The following IL1RAPL1 variants were observed in gnomAD, a reference collection of about 807,000 sequenced individuals.
IL1RAPL1 encodes interleukin 1 receptor accessory protein like 1.
A neutral mutation model predicts 48.4 loss-of-function variants in IL1RAPL1; 3 were observed. That is an observed-to-expected ratio of 0.06 (90% CI 0.03 to 0.16). IL1RAPL1 has a LOEUF of 0.16. IL1RAPL1 is among the 10% of genes least tolerant of loss of function. The probability of loss-of-function intolerance (pLI) is 1.00; values close to 1 mark genes in which losing one functional copy is unlikely to be tolerated. For missense variants in IL1RAPL1, 349 were observed against 530.6 expected, an observed-to-expected ratio of 0.66 and a Z score of 3.36; for synonymous variants, 185 against 187.7, an observed-to-expected ratio of 0.99 and a Z score of 0.12.
At chrX:29,476,949 C>T (rs911270609) in intron 5 of IL1RAPL1, among the ~76,000 whole-genome samples, 1 of 88,411 alleles carries the variant, frequency 1.1e-5, no homozygotes, top group African/African-American at 4.8e-5. Flanking sequence ...GGCGCAATCT[C>T]GGCTCACTGC....
intron 2 of IL1RAPL1, among the ~76,000 whole-genome samples, chrX:29,137,475 C>T (rs1424447178): frequency 8.9e-6 from 1 of 111,822 alleles, no homozygotes; most frequent in Non-Finnish European, 1.9e-5. Context: ...AAAAGCACTT[C>T]ATAGAGACTT....
chrX:28,787,065 A>C, intron 1 of IL1RAPL1, among the ~76,000 whole-genome samples: 1 of 112,427 alleles, frequency 8.9e-6, no homozygotes, highest in Admixed American at 9.5e-5. Context: ...CCTAATACAT[A>C]AAGTTTCAAG....
Position 29,135,572 on chromosome X carries a change from C to T in IL1RAPL1, c.83-147366C>T, listed in dbSNP as rs191482823. ...AAATAGCTAGATTAGAACCCTGGACCCCAGACTTTTACATACAATTTCCTT... is the reference window on the plus strand; with the variant it reads ...AAATAGCTAGATTAGAACCCTGGACTCCAGACTTTTACATACAATTTCCTT... On this transcript the variant is annotated intron_variant, in intron 2 of 10. Transcript: ENST00000378993. Among the ~76,000 whole-genome samples the T allele has an allele frequency of 3.9e-3, 430 of 111,336 alleles. 7 individuals are homozygous for T. Among genetic ancestry groups the T allele is most frequent in the African/African-American group, 0.014 (424 of 30,646 alleles).
At chrX:28,943,544 AT>A (rs1276637202) in intron 2 of IL1RAPL1, among the ~76,000 whole-genome samples, 18 of 104,573 alleles carry the variant, frequency 1.7e-4, no homozygotes, top group African/African-American at 2.1e-4. Flanking sequence ...GATACGTAAC[AT>A]TTTTTTTTTT....
intron 2 of IL1RAPL1, among the ~76,000 whole-genome samples, chrX:28,950,920 C>T (rs1924442552): frequency 9.3e-6 from 1 of 107,438 alleles, no homozygotes. Context: ...GGCACATATA[C>T]ACCATGGAAT....
At chrX:29,906,118 C>T (rs766878392) in intron 6 of IL1RAPL1, among the ~76,000 whole-genome samples, 19 of 108,746 alleles carry the variant, frequency 1.7e-4, no homozygotes, top group Non-Finnish European at 3.2e-4. Context: ...AGGTGGATCA[C>T]GAGGTCAGGA....
intron 5 of IL1RAPL1, among the ~76,000 whole-genome samples, chrX:29,506,801 G>A (rs764341650): frequency 2.7e-5 from 3 of 109,880 alleles, no homozygotes; most frequent in Non-Finnish European, 3.8e-5. Context: ...GGCTGTCCTC[G>A]GGGATATTTC....
intron 2 of IL1RAPL1, among the ~76,000 whole-genome samples, chrX:29,072,428 A>G (rs191765108): frequency 9.0e-6 from 1 of 111,689 alleles, no homozygotes; most frequent in African/African-American, 3.2e-5. Flanking sequence ...AGGTCAACTA[A>G]TTTTGATTTT....
At chrX:29,416,821 A>T (rs950812661) in intron 5 of IL1RAPL1, among the ~76,000 whole-genome samples, 2 of 111,762 alleles carry the variant, frequency 1.8e-5, no homozygotes, top group African/African-American at 6.5e-5. Flanking sequence ...TATTCTTTGG[A>T]GGTTTTAAAA....
chrX:29,865,632 TTTTC>T (rs1441376094), intron 6 of IL1RAPL1, among the ~76,000 whole-genome samples: 25 of 101,016 alleles, frequency 2.5e-4, no homozygotes, highest in Non-Finnish European at 4.6e-4. Flanking sequence ...TTTTCTTTTC[TTTTC>T]TTTTTTTTTT....
rs747698807 is a variant in IL1RAPL1, at chrX:29,353,085, A to G, written c.363-43173A>G. 2.7e-5 allele frequency among the ~76,000 whole-genome samples: 3 copies of G among 112,234 alleles called. No homozygotes were observed. The South Asian group carries it at 1.1e-3, about 41-fold the overall frequency. ...AATAGTTAACTCCTGTGAGTGTAAT[A>G]GGAAATTTACAAAAAATAATCTTTA... On this transcript the variant is annotated intron_variant, in intron 3 of 10. Coordinates refer to ENST00000378993, the MANE Select transcript of IL1RAPL1 (RefSeq NM_014271.4).
intron 5 of IL1RAPL1, among the ~76,000 whole-genome samples, chrX:29,410,051 A>G (rs1325000447): frequency 1.8e-5 from 2 of 110,105 alleles, no homozygotes; most frequent in Non-Finnish European, 3.8e-5. Context: ...CGAACTCCCA[A>G]CCTCAGGTGA....
chrX:29,811,824 A>T (rs1261781065), intron 6 of IL1RAPL1, among the ~76,000 whole-genome samples: 4 of 112,219 alleles, frequency 3.6e-5, no homozygotes, highest in African/African-American at 1.3e-4. Flanking sequence ...ACACATAGAT[A>T]ACCAAAATCT....
intron 6 of IL1RAPL1, among the ~76,000 whole-genome samples, chrX:29,743,254 C>A (rs1928252413): frequency 1.9e-5 from 2 of 105,506 alleles, no homozygotes; most frequent in Non-Finnish European, 3.9e-5. Context: ...ATTAATATAT[C>A]ATAAATTTCT....
chrX:28,800,251 A>C (rs1373079810), intron 2 of IL1RAPL1, among the ~76,000 whole-genome samples: 1 of 111,886 alleles, frequency 8.9e-6, no homozygotes, highest in African/African-American at 3.3e-5. Context: ...TTTAGGATCC[A>C]CTGGGAAAAT....
chrX:29,668,380 T>G lies in IL1RAPL1; in HGVS notation c.704-50T>G, dbSNP rs1425732506. Reference sequence around the variant, plus strand: ...TAGACTGTATTCTATCTTTTAGTTTTATGCAGCATAACTATAAGTCTCTGT... The same window carrying G: ...TAGACTGTATTCTATCTTTTAGTTTGATGCAGCATAACTATAAGTCTCTGT... On this transcript the variant is annotated intron_variant, in intron 5 of 10. Transcript: ENST00000378993. 4 of 1,051,988 alleles carry G rather than the reference T, an allele frequency of 3.8e-6. 1 individual carries two copies. The East Asian group carries it at 1.2e-4, about 32-fold the overall frequency. The allele number at this position is 1,051,988 out of a possible 1,213,427, so 86.7% of individuals were successfully genotyped here. A position where few individuals can be genotyped will look rare whatever the true frequency, so the allele number is the denominator to read the frequency against.
intron 2 of IL1RAPL1, among the ~76,000 whole-genome samples, chrX:29,279,497 G>A (rs141296973): frequency 2.6e-3 from 289 of 110,638 alleles, no homozygotes; most frequent in African/African-American, 9.3e-3. Context: ...TCTTTATAGT[G>A]TTTACCATCT....
At chrX:29,528,261 A>G (rs1935575246) in intron 5 of IL1RAPL1, among the ~76,000 whole-genome samples, 1 of 112,619 alleles carries the variant, frequency 8.9e-6, no homozygotes, top group South Asian at 3.6e-4. Context: ...TAATAGTCAA[A>G]CCTAAGATAT....
intron 6 of IL1RAPL1, among the ~76,000 whole-genome samples, chrX:29,846,914 ATAAT>A (rs1413233976): frequency 9.0e-6 from 1 of 110,523 alleles, no homozygotes; most frequent in Non-Finnish European, 1.9e-5. Context: ...GATGCATATA[ATAAT>A]TCATCTCTGC....
Sources: allele counts gnomAD v4.1 joint callset (sites outside exome capture counted in the v4.1 genomes callset), GRCh38; gene constraint gnomAD v4.1.1; transcripts MANE v1.5; gene names NCBI Gene and HGNC (gene_info 2026-07-23, HGNC 2026-07-21).